LYSMD3: variants seen among roughly 807,000 people sequenced by gnomAD.
LYSMD3 encodes LysM domain containing 3.
In LYSMD3, 13 loss-of-function variants were observed where a neutral mutation model predicts 26.1. The ratio of observed to expected loss-of-function variants is 0.50; its 90% CI spans 0.32 to 0.79. The LOEUF is 0.79. Among genes scored for constraint, LYSMD3 ranks in the 30% least tolerant of loss-of-function variants. The probability of loss-of-function intolerance (pLI) is 0.03; values close to 1 mark genes in which losing one functional copy is unlikely to be tolerated. For synonymous variants in LYSMD3, 109 were observed against 119.4 expected (o/e 0.91, Z 0.57); for missense variants, 331 against 362.5 (o/e 0.91, Z 0.71).
chr5:90,521,325 A>C (rs1371885267), intron 2 of LYSMD3, among the ~76,000 whole-genome samples: 1 of 152,100 alleles, frequency 6.6e-6, no homozygotes, highest in Non-Finnish European at 1.5e-5. Context: ...AGCTATTATT[A>C]AATGTTAATA....
Position 90,525,057 on chromosome 5 carries a change from A to T in LYSMD3, c.233T>A (p.Ile78Lys). ...TACCGTACAACAGTACTGAAGGGCT[A>T]TTGCATTTAATGTATCTCCTTCTTG... ...DIQEGDTLNA[I>K]ALQYCCTVAD... is the part of the protein sequence containing the mutation. The change falls in exon 2 of 3, where the codon ATA (isoleucine) becomes AAA (lysine). Residue 78 changes from isoleucine to lysine, a missense_variant. Coordinates refer to ENST00000315948, the MANE Select transcript of LYSMD3 (RefSeq NM_198273.2). The T allele has an allele frequency of 6.2e-7, 1 of 1,609,042 alleles. No individual in the cohort carries two copies. The highest frequency in any genetic ancestry group is 8.5e-7 in the Non-Finnish European group (1 of 1,176,600).
intron 1 of LYSMD3, among the ~76,000 whole-genome samples, chr5:90,528,244 C>G (rs1477651492): frequency 6.6e-6 from 1 of 152,066 alleles, no homozygotes; most frequent in Non-Finnish European, 1.5e-5. Flanking sequence ...GCTTCATATT[C>G]TCAAAAGGCA....
rs1169000904 is a variant in LYSMD3, at chr5:90,518,583, C to G, written c.*236G>C. On this transcript the variant is annotated 3_prime_UTR_variant, in exon 3 of 3. Transcript: ENST00000315948. The stretch of plus-strand genomic sequence containing the variant: ...TCTTCCAAGTTAAGTACTTCCTAAA[C>G]ACACATTTAAATTAATTTCTGCTTG... 2.4e-6 allele frequency: 1 copy of G among 410,628 alleles called. No homozygotes were observed. Among genetic ancestry groups the G allele is most frequent in the Non-Finnish European group, 4.3e-6 (1 of 232,066 alleles). 25.4% of individuals were successfully genotyped at this position (410,628 alleles called of 1,614,324 possible).
In LYSMD3 at chr5:90,525,203, G is replaced by A; in HGVS notation, c.87C>T (p.Asp29=). 1 of 1,613,884 alleles carries A rather than the reference G, an allele frequency of 6.2e-7. No individual in the cohort carries two copies. The highest frequency in any genetic ancestry group is 1.3e-5 in the African/African-American group (1 of 74,950). ...CAGCATCCTCCTCCAAAATATCACT[G>A]TCTGAACAATTTCCAAATGCATGTA... is the stretch of plus-strand genomic sequence containing the variant. ...GQVHAFGNCS[D]SDILEEDAEV... The change falls in exon 2 of 3, where the codon GAC becomes GAT. Residue 29 remains aspartate (D), a synonymous_variant. Transcript: ENST00000315948.
At chr5:90,529,212 A>T in intron 1 of LYSMD3, 1 of 353,918 alleles carries the variant, frequency 2.8e-6, no homozygotes, top group Non-Finnish European at 5.6e-6. Flanking sequence ...GTAATCCAGC[A>T]GGTAGGCGTC....
At chr5:90,527,929 ATAAC>A (rs1413706864) in intron 1 of LYSMD3, among the ~76,000 whole-genome samples, 3 of 152,238 alleles carry the variant, frequency 2.0e-5, no homozygotes, top group Non-Finnish European at 2.9e-5. Flanking sequence ...GATAACACAG[ATAAC>A]TAATAGCTAT....
At chr5:90,522,239 C>T (rs1753110908) in intron 2 of LYSMD3, among the ~76,000 whole-genome samples, 1 of 152,216 alleles carries the variant, frequency 6.6e-6, no homozygotes, top group Admixed American at 6.5e-5. Flanking sequence ...CCTGCTCTGG[C>T]TTTGCCTTCT....
chr5:90,520,046 C>T (rs1475417457), intron 2 of LYSMD3, among the ~76,000 whole-genome samples: 2 of 151,930 alleles, frequency 1.3e-5, no homozygotes, highest in Admixed American at 6.5e-5. Flanking sequence ...GCATATATAC[C>T]TTAGAATTTA....
intron 2 of LYSMD3, among the ~76,000 whole-genome samples, chr5:90,524,568 A>G (rs565999354): frequency 2.6e-4 from 39 of 152,242 alleles, no homozygotes; most frequent in Non-Finnish European, 5.6e-4. Flanking sequence ...AAAAGTAAAC[A>G]TCTACAAATG....
In LYSMD3 at chr5:90,518,765, T is replaced by C; in HGVS notation, c.*54A>G. The stretch of plus-strand genomic sequence containing the variant: ...GAAGCTATTATTGGATATAACTGAT[T>C]CACCACATTCCAGATGCACATGTGA... On this transcript the variant is annotated 3_prime_UTR_variant, in exon 3 of 3. Coordinates refer to ENST00000315948, the MANE Select transcript of LYSMD3 (RefSeq NM_198273.2). 6.9e-7 allele frequency: 1 copy of C among 1,457,292 alleles called. No individual in the cohort carries two copies. The highest frequency in any genetic ancestry group is 9.3e-7 in the Non-Finnish European group (1 of 1,074,698). The allele number at this position is 1,457,292 out of a possible 1,614,324, so 90.3% of individuals were successfully genotyped here. A position where few individuals can be genotyped will look rare whatever the true frequency, so the allele number is the denominator to read the frequency against.
chr5:90,523,029 ATGTT>A (rs1223713666), intron 2 of LYSMD3, among the ~76,000 whole-genome samples: 3 of 152,298 alleles, frequency 2.0e-5, no homozygotes, highest in Non-Finnish European at 1.5e-5. Flanking sequence ...CTGTACCTTG[ATGTT>A]TTTTAGCCTT....
At chr5:90,528,138 T>A (rs577758048) in intron 1 of LYSMD3, among the ~76,000 whole-genome samples, 1 of 152,328 alleles carries the variant, frequency 6.6e-6, no homozygotes, top group South Asian at 2.1e-4. Flanking sequence ...GGTCTTTTTT[T>A]AATCTTGTGT....
rs1279769020 is a variant in LYSMD3 at position 90,517,706 on chromosome 5, C to G, written c.*1113G>C. 6.6e-6 allele frequency: 1 copy of G among 152,162 alleles called. No homozygotes were observed. Among genetic ancestry groups the G allele is most frequent in the Non-Finnish European group, 1.5e-5 (1 of 67,934 alleles). 9.4% of individuals were successfully genotyped at this position (152,162 alleles called of 1,614,324 possible). On this transcript the variant is annotated 3_prime_UTR_variant, in exon 3 of 3. Coordinates refer to ENST00000315948, the MANE Select transcript of LYSMD3 (RefSeq NM_198273.2). ...TTGAAAAACAGAGGTTAAGGGATTA[C>G]TAAATAATTTGTCTGTTACTGCTAA...
chr5:90,522,697 T>G (rs1043688897), intron 2 of LYSMD3, among the ~76,000 whole-genome samples: 1 of 152,222 alleles, frequency 6.6e-6, no homozygotes, highest in Non-Finnish European at 1.5e-5. Context: ...ATCACTCCTG[T>G]TAAAACCTTA....
chr5:90,521,670 C>G (rs1394207398), intron 2 of LYSMD3, among the ~76,000 whole-genome samples: 1 of 151,902 alleles, frequency 6.6e-6, no homozygotes, highest in Non-Finnish European at 1.5e-5. Context: ...TGTACTCTTA[C>G]TAATAACTAC....
At chr5:90,522,196 C>T (rs1383262350) in intron 2 of LYSMD3, among the ~76,000 whole-genome samples, 7 of 152,290 alleles carry the variant, frequency 4.6e-5, no homozygotes, top group Admixed American at 2.0e-4. Context: ...CTCCCTCACT[C>T]GCTCTTCTTC....
Position 90,517,725 on chromosome 5 carries a change from C to T in LYSMD3, c.*1094G>A, listed in dbSNP as rs1444457041. On this transcript the variant is annotated 3_prime_UTR_variant, in exon 3 of 3. Coordinates refer to ENST00000315948, the MANE Select transcript of LYSMD3 (RefSeq NM_198273.2). ...GGATTACTAAATAATTTGTCTGTTACTGCTAATATAAAATACCTCTACTCT... is the reference window on the plus strand; with the variant it reads ...GGATTACTAAATAATTTGTCTGTTATTGCTAATATAAAATACCTCTACTCT... 1 of 152,260 alleles carries T rather than the reference C, an allele frequency of 6.6e-6. No individual in the cohort carries two copies. Among genetic ancestry groups the T allele is most frequent in the Non-Finnish European group, 1.5e-5 (1 of 67,930 alleles). 9.4% of individuals were successfully genotyped at this position (152,260 alleles called of 1,614,324 possible).
At position 90,516,953 on chromosome 5, in the gene LYSMD3, A is replaced by C. The variant is rs1422187825; in HGVS notation, c.*1866T>G. ...ATTTGATGTAAACAAAGTTCTTCAA[A>C]GGACACCTGGCCTGTTTACCCTAAA... On this transcript the variant is annotated 3_prime_UTR_variant, in exon 3 of 3. Transcript: ENST00000315948. 1 of 152,494 alleles carries C rather than the reference A, an allele frequency of 6.6e-6. No homozygotes were observed. Among genetic ancestry groups the C allele is most frequent in the Non-Finnish European group, 1.5e-5 (1 of 67,898 alleles). 9.4% of individuals were successfully genotyped at this position (152,494 alleles called of 1,614,324 possible).
intron 1 of LYSMD3, 30 bp from the exon 2 acceptor site, chr5:90,525,330 T>G: frequency 6.4e-7 from 1 of 1,555,622 alleles, no homozygotes; most frequent in Non-Finnish European, 8.7e-7. Context: ...GAGAAAATTT[T>G]GGAATGTAGC....
Sources: allele counts gnomAD v4.1 joint callset (sites outside exome capture counted in the v4.1 genomes callset), GRCh38; gene constraint gnomAD v4.1.1; transcripts MANE v1.5; gene names NCBI Gene and HGNC (gene_info 2026-07-23, HGNC 2026-07-21).